The following PPARGC1A variants were observed in gnomAD, a reference collection of about 807,000 sequenced individuals.
PPARGC1A encodes the protein PPARG coactivator 1 alpha.
In PPARGC1A, 25 loss-of-function variants were observed where a neutral mutation model predicts 88.7. The observed-to-expected ratio is 0.28, with a 90% CI of 0.21 to 0.39. The LOEUF (loss-of-function observed/expected upper bound fraction) is 0.39. Ranked by LOEUF, PPARGC1A falls within the 10% of genes least tolerant of loss-of-function variation. The pLI is 1.00. For synonymous variants in PPARGC1A, 363 were observed against 355.6 expected (o/e 1.02, Z -0.24); for missense variants, 880 against 968.7 (o/e 0.91, Z 1.22).
At chr4:24,135,093 C>T in the PPARGC1A span, among the ~76,000 whole-genome samples, 11 of 152,246 alleles carry the variant, frequency 7.2e-5, no homozygotes, top group South Asian at 1.9e-3. Flanking sequence ...TCCTCTTTTA[C>T]CTCCTTGGTG....
At chr4:23,897,977 G>A (rs990673662) in intron 1 of PPARGC1A, among the ~76,000 whole-genome samples, 4 of 152,180 alleles carry the variant, frequency 2.6e-5, no homozygotes, top group South Asian at 4.1e-4. Context: ...TTTAGAAATG[G>A]TGTCACCCAG....
At chr4:24,000,066 C>T in the PPARGC1A span, among the ~76,000 whole-genome samples, 1 of 152,044 alleles carries the variant, frequency 6.6e-6, no homozygotes, top group Admixed American at 6.6e-5. Context: ...TTCCTACCTT[C>T]CTTACTTCCC....
At chr4:24,324,200 G>T in the PPARGC1A span, among the ~76,000 whole-genome samples, 1 of 152,076 alleles carries the variant, frequency 6.6e-6, no homozygotes, top group East Asian at 1.9e-4. Flanking sequence ...GAAGAGGCAA[G>T]TACCCCAACC....
At chr4:24,113,644 C>T in the PPARGC1A span, among the ~76,000 whole-genome samples, 2 of 151,980 alleles carry the variant, frequency 1.3e-5, no homozygotes, top group African/African-American at 4.8e-5. Flanking sequence ...ATTTAGGAAG[C>T]CTGCAGAGTT....
chr4:24,203,092 A>G, the PPARGC1A span, among the ~76,000 whole-genome samples: 2 of 152,220 alleles, frequency 1.3e-5, no homozygotes, highest in African/African-American at 4.8e-5. Context: ...AAAAGGAATC[A>G]TTATCAATTT....
chr4:24,442,161 TAAA>T, the PPARGC1A span, among the ~76,000 whole-genome samples: 1 of 152,206 alleles, frequency 6.6e-6, no homozygotes, highest in Non-Finnish European at 1.5e-5. Context: ...ATAAATTACA[TAAA>T]TAATAATGGA....
the PPARGC1A span, among the ~76,000 whole-genome samples, chr4:23,984,003 T>G: frequency 0.15 from 22,601 of 152,194 alleles, 1,867 homozygotes; most frequent in East Asian, 0.27. Context: ...TCACCCATTC[T>G]TTTATGTATT....
At chr4:24,204,908 C>G in the PPARGC1A span, among the ~76,000 whole-genome samples, 6 of 152,148 alleles carry the variant, frequency 3.9e-5, no homozygotes, top group African/African-American at 7.2e-5. Flanking sequence ...ACCGCAACCT[C>G]TACCTCACGG....
At chr4:24,322,168 T>C in the PPARGC1A span, among the ~76,000 whole-genome samples, 399 of 152,360 alleles carry the variant, frequency 2.6e-3, 3 homozygotes, top group African/African-American at 8.1e-3. Flanking sequence ...TTCCTGATTA[T>C]AGCCTCCGCT....
chr4:23,811,249 T>C (rs1352443035), intron 10 of PPARGC1A, among the ~76,000 whole-genome samples: 1 of 152,232 alleles, frequency 6.6e-6, no homozygotes, highest in African/African-American at 2.4e-5. Flanking sequence ...ATTAGTCAGC[T>C]CTTTTATATA....
At chr4:23,820,295 A>G (rs1722764631) in intron 7 of PPARGC1A, 1 of 152,374 alleles carries the variant, frequency 6.6e-6, no homozygotes, top group South Asian at 2.1e-4. Flanking sequence ...TTTTAGGGTG[A>G]TGACATCTGA....
At chr4:24,175,417 C>T in the PPARGC1A span, among the ~76,000 whole-genome samples, 1 of 147,238 alleles carries the variant, frequency 6.8e-6, no homozygotes, top group East Asian at 2.0e-4. Flanking sequence ...TTTTGTCACC[C>T]AGGCTGGAGC....
chr4:24,048,941 T>C, the PPARGC1A span, among the ~76,000 whole-genome samples: 1 of 152,258 alleles, frequency 6.6e-6, no homozygotes, highest in South Asian at 2.1e-4. Flanking sequence ...TCTTTACATG[T>C]AAAATGAAGA....
At chr4:24,215,324 G>A in the PPARGC1A span, among the ~76,000 whole-genome samples, 5 of 152,212 alleles carry the variant, frequency 3.3e-5, no homozygotes, top group Non-Finnish European at 7.3e-5. Context: ...GGGATATGTA[G>A]TATGCTTTAT....
At chr4:24,305,148 T>TATAC in the PPARGC1A span, among the ~76,000 whole-genome samples, 17 of 148,528 alleles carry the variant, frequency 1.1e-4, no homozygotes, top group African/African-American at 3.7e-4. Context: ...TATATATATA[T>TATAC]ACATACACAC....
chr4:24,137,475 C>T, the PPARGC1A span, among the ~76,000 whole-genome samples: 3 of 152,168 alleles, frequency 2.0e-5, no homozygotes, highest in Non-Finnish European at 4.4e-5. Context: ...AGCACAGTCC[C>T]TCAAGGAATG....
the PPARGC1A span, among the ~76,000 whole-genome samples, chr4:24,111,744 A>G: frequency 1.3e-3 from 194 of 152,324 alleles, 1 homozygote; most frequent in African/African-American, 4.3e-3. Context: ...TAACTCTTTC[A>G]AGCCACTTAG....
At chr4:24,106,670 G>T in the PPARGC1A span, among the ~76,000 whole-genome samples, 18 of 152,144 alleles carry the variant, frequency 1.2e-4, no homozygotes, top group Admixed American at 1.2e-3. Flanking sequence ...TAGTTTAGTT[G>T]GTTTCCCCAC....
At chr4:24,399,969 GGA>G in the PPARGC1A span, among the ~76,000 whole-genome samples, 3 of 151,732 alleles carry the variant, frequency 2.0e-5, no homozygotes, top group Admixed American at 6.6e-5. Context: ...TAATTTTAGT[GGA>G]GACAGGGTTT....
Sources: allele counts gnomAD v4.1 joint callset (sites outside exome capture counted in the v4.1 genomes callset), GRCh38; gene constraint gnomAD v4.1.1; transcripts MANE v1.5; gene names NCBI Gene and HGNC (gene_info 2026-07-23, HGNC 2026-07-21).